The following STXBP5L variants were observed in gnomAD, a reference collection of about 807,000 sequenced individuals.
The protein encoded by STXBP5L is syntaxin-binding protein 5-like.
In STXBP5L, 65 loss-of-function variants were observed where a neutral mutation model predicts 144.5. The observed-to-expected ratio is 0.45, with a 90% CI of 0.37 to 0.55. The LOEUF (loss-of-function observed/expected upper bound fraction) is 0.55, where lower values mean the gene tolerates loss of function less well. STXBP5L is among the 20% of genes least tolerant of loss of function. STXBP5L has a pLI of 0.00. For missense variants in STXBP5L, 1,298 were observed against 1,405.5 expected (o/e 0.92, Z 1.22); for synonymous variants, 505 against 469.6 (o/e 1.08, Z -0.97).
intron 5 of STXBP5L, among the ~76,000 whole-genome samples, chr3:121,077,004 C>A (rs1240431736): frequency 6.6e-6 from 1 of 152,158 alleles, no homozygotes; most frequent in South Asian, 2.1e-4. Flanking sequence ...CCCATACTCT[C>A]CTTGGAGCAC....
At chr3:121,079,603 G>T (rs189798949) in intron 5 of STXBP5L, among the ~76,000 whole-genome samples, 1 of 152,150 alleles carries the variant, frequency 6.6e-6, no homozygotes, top group Non-Finnish European at 1.5e-5. Flanking sequence ...ATTCAAGAGC[G>T]TATTATTTAA....
At chr3:121,055,288 T>A (rs1043178504) in intron 5 of STXBP5L, among the ~76,000 whole-genome samples, 23 of 152,076 alleles carry the variant, frequency 1.5e-4, no homozygotes, top group Non-Finnish European at 2.8e-4. Context: ...TAACCAAGCA[T>A]CTTTTGGGAC....
chr3:120,928,035 T>C (rs1709729984), intron 2 of STXBP5L, among the ~76,000 whole-genome samples: 1 of 152,094 alleles, frequency 6.6e-6, no homozygotes, highest in South Asian at 2.1e-4. Context: ...AGTTGACAAT[T>C]GAAAGCAAAA....
intron 5 of STXBP5L, among the ~76,000 whole-genome samples, chr3:121,048,242 G>A (rs1254224695): frequency 6.6e-6 from 1 of 152,002 alleles, no homozygotes; most frequent in African/African-American, 2.4e-5. Flanking sequence ...GGTTTCCTTT[G>A]TAGGTGACAT....
intron 20 of STXBP5L, among the ~76,000 whole-genome samples, chr3:121,347,785 T>G (rs529646881): frequency 2.6e-5 from 4 of 152,182 alleles, no homozygotes; most frequent in African/African-American, 4.8e-5. Flanking sequence ...TAAGAATGCT[T>G]GTGATTTTTG....
At chr3:121,028,161 G>T (rs1348358647) in intron 3 of STXBP5L, among the ~76,000 whole-genome samples, 1 of 151,958 alleles carries the variant, frequency 6.6e-6, no homozygotes, top group African/African-American at 2.4e-5. Flanking sequence ...GAATTAATTT[G>T]TTTTCACAGC....
intron 4 of STXBP5L, among the ~76,000 whole-genome samples, chr3:121,042,870 A>G (rs1471854229): frequency 6.6e-6 from 1 of 151,906 alleles, no homozygotes; most frequent in African/African-American, 2.4e-5. Flanking sequence ...AAAACATTTG[A>G]AAAATATTTC....
At chr3:121,040,605 TTG>T (rs1947077817) in intron 3 of STXBP5L, among the ~76,000 whole-genome samples, 1 of 152,218 alleles carries the variant, frequency 6.6e-6, no homozygotes, top group African/African-American at 2.4e-5. Context: ...AGAGCTCTTT[TTG>T]TGTGTCACAT....
rs552981596 is a variant in STXBP5L at position 120,990,467 on chromosome 3, C to T, written c.287+35430C>T. Among the ~76,000 whole-genome samples the T allele has an allele frequency of 4.1e-3, 631 of 152,222 alleles. 2 individuals carry two copies. Among genetic ancestry groups the T allele is most frequent in the African/African-American group, 0.014 (593 of 41,524 alleles). ...AATTGGAAAAAACTACTTCAAAGTT[C>T]ATATGGAACCAAAAAAGAGCCCACA... On this transcript the variant is annotated intron_variant, in intron 3 of 26. Coordinates refer to ENST00000471454, the MANE Select transcript of STXBP5L (RefSeq NM_001308330.2).
intron 19 of STXBP5L, among the ~76,000 whole-genome samples, chr3:121,292,755 C>A (rs768507376): frequency 6.6e-6 from 1 of 152,070 alleles, no homozygotes; most frequent in Admixed American, 6.6e-5. Context: ...GAGTTGGAGA[C>A]CATTATTCTA....
chr3:121,234,002 C>T (rs906865637), intron 12 of STXBP5L, among the ~76,000 whole-genome samples: 1 of 152,096 alleles, frequency 6.6e-6, no homozygotes, highest in Non-Finnish European at 1.5e-5. Context: ...AATGTGATAG[C>T]TGAGTAATGG....
chr3:121,348,330 G>A (rs1038418198), intron 20 of STXBP5L, among the ~76,000 whole-genome samples: 2 of 152,018 alleles, frequency 1.3e-5, no homozygotes, highest in Non-Finnish European at 1.5e-5. Context: ...GTGGATAAGG[G>A]TTTTGATGTG....
At chr3:121,249,583 C>T (rs1489266822) in intron 14 of STXBP5L, among the ~76,000 whole-genome samples, 1 of 152,044 alleles carries the variant, frequency 6.6e-6, no homozygotes, top group Non-Finnish European at 1.5e-5. Context: ...GTTCCAGTAT[C>T]CTTTTTATAG....
intron 3 of STXBP5L, among the ~76,000 whole-genome samples, chr3:120,984,551 A>G (rs902011040): frequency 6.7e-6 from 1 of 149,998 alleles, no homozygotes; most frequent in Non-Finnish European, 1.5e-5. Flanking sequence ...AGGGTTTTAC[A>G]TATGTAAGAT....
chr3:120,910,827 C>T (rs1447372315), intron 2 of STXBP5L, among the ~76,000 whole-genome samples: 2 of 152,072 alleles, frequency 1.3e-5, no homozygotes, highest in African/African-American at 4.8e-5. Context: ...TATTAGTTTA[C>T]ATAAAAGCAA....
chr3:121,367,064 T>A (rs1344360886), intron 20 of STXBP5L, among the ~76,000 whole-genome samples: 1 of 152,194 alleles, frequency 6.6e-6, no homozygotes, highest in African/African-American at 2.4e-5. Flanking sequence ...TTGTTTATGT[T>A]CTAAAATTAC....
In STXBP5L at chr3:121,257,165, T is replaced by G; in HGVS notation, c.1664T>G (p.Leu555Ter). The change falls in exon 17 of 27, where the codon TTA (leucine) becomes TGA (stop). Residue 555 changes from leucine to a stop codon, truncating the protein, a stop_gained. Transcript: ENST00000471454. LOFTEE classifies it high-confidence loss of function. ...RHEITTEIVS[L>*]EVRLQYDVED... ...TTTAAACTTGATTTTTTTAAGTCATTAGAGGTACGACTTCAGTATGATGTT... is the reference window on the plus strand; with the variant it reads ...TTTAAACTTGATTTTTTTAAGTCATGAGAGGTACGACTTCAGTATGATGTT... 6.3e-7 allele frequency: 1 copy of G among 1,599,288 alleles called. No homozygotes were observed. The highest frequency in any genetic ancestry group is 1.7e-4 in the Middle Eastern group (1 of 5,990).
At chr3:121,018,155 G>T (rs1024425930) in intron 3 of STXBP5L, among the ~76,000 whole-genome samples, 8 of 152,170 alleles carry the variant, frequency 5.3e-5, no homozygotes, top group Non-Finnish European at 8.8e-5. Context: ...TCAAGATTGA[G>T]TTCTTTCCAA....
intron 3 of STXBP5L, among the ~76,000 whole-genome samples, chr3:121,001,009 G>C (rs1266877236): frequency 6.6e-6 from 1 of 152,192 alleles, no homozygotes; most frequent in African/African-American, 2.4e-5. Context: ...GCGGGGGGAA[G>C]GGGGTAAGTG....
Sources: gnomAD v4.1 joint callset for allele counts (sites outside exome capture counted in the v4.1 genomes callset) on GRCh38, gnomAD v4.1.1 for gene constraint, MANE v1.5 for transcripts, NCBI Gene and HGNC (gene_info 2026-07-23, HGNC 2026-07-21) for gene names.